FOXN2: variants seen among roughly 807,000 people sequenced by gnomAD.
The protein encoded by FOXN2 is forkhead box protein N2.
Under a neutral mutation model 41.2 loss-of-function variants are expected in FOXN2, and 19 were observed. The observed-to-expected ratio is 0.46, with a 90% CI of 0.32 to 0.68. The LOEUF (loss-of-function observed/expected upper bound fraction) is 0.68, where lower values mean the gene tolerates loss of function less well. FOXN2 is among the 30% of genes least tolerant of loss of function. The pLI is 0.03. For synonymous variants in FOXN2, 195 were observed against 176.8 expected (o/e 1.10, Z -0.82); for missense variants, 587 against 509.4 (o/e 1.15, Z -1.47).
intron 1 of FOXN2, among the ~76,000 whole-genome samples, chr2:48,322,820 C>T (rs892818060): frequency 6.7e-6 from 1 of 148,802 alleles, no homozygotes; most frequent in African/African-American, 2.5e-5. Context: ...TTTAAGTTTA[C>T]TTTGAAATAG....
Position 48,353,343 on chromosome 2 carries a change from T to C in FOXN2, c.538-5704T>C, listed in dbSNP as rs566270859. 1.8e-4 allele frequency among the ~76,000 whole-genome samples: 27 copies of C among 152,334 alleles called. No homozygotes were observed. In the South Asian group the frequency reaches 3.9e-3, roughly 22 times the overall value. On this transcript the variant is annotated intron_variant, in intron 3 of 6. Coordinates refer to ENST00000340553, the MANE Select transcript of FOXN2 (RefSeq NM_002158.4). ...TACACTGCATTTTCGTAATTCACTT[T>C]CAGTGGAGAGAACATTTCCTCAAAG... is the stretch of plus-strand genomic sequence containing the variant.
At chr2:48,341,953 T>A (rs988666928) in intron 2 of FOXN2, among the ~76,000 whole-genome samples, 2 of 152,360 alleles carry the variant, frequency 1.3e-5, no homozygotes, top group Middle Eastern at 6.8e-3. Context: ...TGGCTTCTGT[T>A]TTTGACTTGA....
rs554857791 is a variant in FOXN2 at position 48,377,086 on chromosome 2, T to C, written c.*1643T>C. The C allele has an allele frequency of 4.6e-5, 7 of 152,174 alleles. No individual in the cohort carries two copies. Among genetic ancestry groups the C allele is most frequent in the African/African-American group, 1.4e-4 (6 of 41,570 alleles). The allele number at this position is 152,174 out of a possible 1,614,324, so 9.4% of individuals were successfully genotyped here. A position where few individuals can be genotyped will look rare whatever the true frequency, so the allele number is the denominator to read the frequency against. On this transcript the variant is annotated 3_prime_UTR_variant, in exon 7 of 7. Transcript: ENST00000340553. ...AAGTCAGGGATAACAGTATTAATGT[T>C]CTCTGTTCTGTTTCCATGTTAAATT...
intron 2 of FOXN2, among the ~76,000 whole-genome samples, chr2:48,341,447 C>T (rs929012726): frequency 6.6e-6 from 1 of 152,080 alleles, no homozygotes; most frequent in African/African-American, 2.4e-5. Flanking sequence ...AAATATGCAG[C>T]TTTGTAACCA....
At chr2:48,366,684 A>T (rs1672556997) in intron 5 of FOXN2, among the ~76,000 whole-genome samples, 1 of 152,258 alleles carries the variant, frequency 6.6e-6, no homozygotes, top group South Asian at 2.1e-4. Context: ...AATCCTTAAA[A>T]CAACCCTCTG....
chr2:48,346,766 A>G lies in FOXN2; in HGVS notation c.537+15A>G. On this transcript the variant is annotated intron_variant, in intron 3 of 6. Transcript: ENST00000340553. ...GCCATGGCAAGGTCAGTGTTTATGA[A>G]CATTGCTATATTTGGTGAGGTGGGG... The G allele has an allele frequency of 1.3e-6, 2 of 1,546,322 alleles. No individual in the cohort carries two copies. The highest frequency in any genetic ancestry group is 1.7e-6 in the Non-Finnish European group (2 of 1,153,580).
chr2:48,351,791 G>A (rs560512162), intron 3 of FOXN2, among the ~76,000 whole-genome samples: 4 of 152,176 alleles, frequency 2.6e-5, no homozygotes, highest in East Asian at 3.9e-4. Flanking sequence ...GACCTGTACC[G>A]GTCTCCAGCT....
chr2:48,364,699 A>G (rs1008688793), intron 5 of FOXN2, among the ~76,000 whole-genome samples: 22 of 152,284 alleles, frequency 1.4e-4, no homozygotes, highest in African/African-American at 5.3e-4. Context: ...CTGGCCTGAC[A>G]TCTGTTTTTG....
At chr2:48,337,005 T>A (rs553089839) in intron 2 of FOXN2, among the ~76,000 whole-genome samples, 1 of 152,226 alleles carries the variant, frequency 6.6e-6, no homozygotes, top group Non-Finnish European at 1.5e-5. Flanking sequence ...AAATAAGTTA[T>A]TATTGACTAT....
chr2:48,320,022 G>C (rs1020336418), intron 1 of FOXN2, among the ~76,000 whole-genome samples: 5 of 151,614 alleles, frequency 3.3e-5, no homozygotes, highest in African/African-American at 1.2e-4. Context: ...TGAGGAAATT[G>C]ACACATTTAT....
chr2:48,320,406 T>G (rs974045642), intron 1 of FOXN2, among the ~76,000 whole-genome samples: 1 of 152,038 alleles, frequency 6.6e-6, no homozygotes, highest in Non-Finnish European at 1.5e-5. Context: ...TTCTCCAGCC[T>G]CAGCCTCCCG....
chr2:48,363,531 C>T (rs1373909005), intron 5 of FOXN2, among the ~76,000 whole-genome samples: 2 of 152,198 alleles, frequency 1.3e-5, no homozygotes, highest in Non-Finnish European at 2.9e-5. Context: ...CCTCTACATT[C>T]ACTCACCACT....
intron 2 of FOXN2, among the ~76,000 whole-genome samples, chr2:48,344,042 C>T (rs1400611846): frequency 6.6e-6 from 1 of 152,086 alleles, no homozygotes; most frequent in Non-Finnish European, 1.5e-5. Flanking sequence ...ACTGGGTACA[C>T]TAAAGAGTGG....
At chr2:48,336,393 G>A (rs1243549929) in intron 2 of FOXN2, among the ~76,000 whole-genome samples, 1 of 149,662 alleles carries the variant, frequency 6.7e-6, no homozygotes, top group Non-Finnish European at 1.5e-5. Context: ...GGGTGACAGA[G>A]CAAGCCTCAG....
chr2:48,324,194 A>G (rs1409275330), intron 1 of FOXN2, among the ~76,000 whole-genome samples: 2 of 132,360 alleles, frequency 1.5e-5, no homozygotes, highest in African/African-American at 5.7e-5. Context: ...TTGCTCAGTA[A>G]TTTTTTTTTT....
chr2:48,334,629 A>C (rs1670217520), intron 2 of FOXN2, among the ~76,000 whole-genome samples: 1 of 152,204 alleles, frequency 6.6e-6, no homozygotes, highest in Admixed American at 6.5e-5. Context: ...TACTTAGGCC[A>C]GGCTGAATTC....
chr2:48,331,348 G>T (rs1321357259), intron 2 of FOXN2, among the ~76,000 whole-genome samples: 2 of 130,430 alleles, frequency 1.5e-5, no homozygotes, highest in African/African-American at 5.1e-5. Context: ...AAGAACTATA[G>T]TATAGGTAAG....
chr2:48,369,565 T>C (rs945832983), intron 5 of FOXN2, among the ~76,000 whole-genome samples: 2 of 152,174 alleles, frequency 1.3e-5, no homozygotes, highest in African/African-American at 2.4e-5. Flanking sequence ...GTTAGAGATA[T>C]ACTAATTTTT....
At chr2:48,363,907 A>G (rs2104482755) in intron 5 of FOXN2, among the ~76,000 whole-genome samples, 1 of 152,328 alleles carries the variant, frequency 6.6e-6, no homozygotes, top group African/African-American at 2.4e-5. Flanking sequence ...GTCATTAAAC[A>G]AAGTATGACT....
Sources: gnomAD v4.1 joint callset for allele counts (sites outside exome capture counted in the v4.1 genomes callset) on GRCh38, gnomAD v4.1.1 for gene constraint, MANE v1.5 for transcripts, NCBI Gene and HGNC (gene_info 2026-07-23, HGNC 2026-07-21) for gene names.